Variants in PRMT9 observed in about 807,000 individuals in gnomAD.
The protein encoded by PRMT9 is protein arginine methyltransferase 9, also known as protein arginine N-methyltransferase 9.
Under a neutral mutation model 83.2 loss-of-function variants are expected in PRMT9, and 59 were observed. That is an observed-to-expected ratio of 0.71 (90% CI 0.57 to 0.88). PRMT9 has a LOEUF of 0.88. PRMT9 is among the 40% of genes least tolerant of loss of function. The pLI is 0.00. For missense variants in PRMT9, 947 were observed against 1,021.9 expected (o/e 0.93, Z 1.00); for synonymous variants, 333 against 353.2 (o/e 0.94, Z 0.64).
chr4:147,643,988 C>T (rs1268500626), intron 9 of PRMT9, among the ~76,000 whole-genome samples: 1 of 152,152 alleles, frequency 6.6e-6, no homozygotes, highest in Non-Finnish European at 1.5e-5. Flanking sequence ...ATATATGATC[C>T]TGGATTGGAT....
chr4:147,665,419 G>A (rs879849785), intron 6 of PRMT9, among the ~76,000 whole-genome samples: 2 of 152,124 alleles, frequency 1.3e-5, no homozygotes, highest in African/African-American at 2.4e-5. Flanking sequence ...TTCTTATTCA[G>A]TGGGTTTCAA....
intron 9 of PRMT9, among the ~76,000 whole-genome samples, chr4:147,647,862 C>CT: frequency 6.6e-6 from 1 of 152,252 alleles, no homozygotes; most frequent in Middle Eastern, 3.4e-3. Flanking sequence ...ATTGGCTTTT[C>CT]TGGGCAGTGG....
chr4:147,672,968 A>G lies in PRMT9; in HGVS notation c.734T>C (p.Ile245Thr). 1 of 1,613,246 alleles carries G rather than the reference A, an allele frequency of 6.2e-7. No homozygotes were observed. The highest frequency in any genetic ancestry group is 8.5e-7 in the Non-Finnish European group (1 of 1,179,260). ...GTTTACATGATAATACCTTTCGGGA[A>G]TATGTTTTGGAATCTCTATGTCAAG... ...KSLDIEIPKHIPERVSLVVTE... is the reference protein window; with the variant it reads ...KSLDIEIPKHTPERVSLVVTE... Residue 245 changes from isoleucine to threonine, a missense_variant, in exon 4 of 12, where the codon ATT (isoleucine) becomes ACT (threonine). Physicochemically the swap from Ile to Thr is moderately conservative, Grantham distance 89. Transcript: ENST00000322396.
intron 8 of PRMT9, among the ~76,000 whole-genome samples, chr4:147,655,267 A>G (rs1315516116): frequency 6.6e-6 from 1 of 151,344 alleles, no homozygotes; most frequent in Non-Finnish European, 1.5e-5. Context: ...GGCTCAAGTG[A>G]TCCTCCTGCC....
intron 1 of PRMT9, among the ~76,000 whole-genome samples, chr4:147,682,179 A>G (rs1274779303): frequency 3.3e-5 from 5 of 150,644 alleles, no homozygotes; most frequent in Non-Finnish European, 7.4e-5. Context: ...CTAATTTTTT[A>G]TTTTTATTTT....
chr4:147,653,854 G>A lies in PRMT9; in HGVS notation c.2043C>T (p.Ser681=). The change falls in exon 9 of 12, where the codon TCC becomes TCT. Residue 681 remains serine (S), a splice_region_variant and synonymous_variant. Coordinates refer to ENST00000322396, the MANE Select transcript of PRMT9 (RefSeq NM_138364.4). ...QQEIMEKAAI[S]RCLLQSGGKI... ...AAAGTTATTATTTTGTGTTTTACCT[G>A]GATATTGCAGCTTTTTCCATTATTT... is the stretch of plus-strand genomic sequence containing the variant. 6.2e-7 allele frequency: 1 copy of A among 1,607,556 alleles called. No individual in the cohort carries two copies. The highest frequency in any genetic ancestry group is 8.5e-7 in the Non-Finnish European group (1 of 1,174,816).
intron 1 of PRMT9, among the ~76,000 whole-genome samples, chr4:147,682,055 G>C (rs1461212425): frequency 1.3e-5 from 2 of 152,126 alleles, no homozygotes; most frequent in Admixed American, 6.5e-5. Flanking sequence ...GCCCAGGCTG[G>C]AGTGCAATGG....
chr4:147,683,733 CTGTTTTTTTTTTTTTTTTTA>C (rs1334758772), intron 1 of PRMT9, 46 bp downstream of exon 1: 4 of 489,446 alleles, frequency 8.2e-6, no homozygotes, highest in Non-Finnish European at 1.3e-5. Context: ...TTTTTTTTTT[CTGTTTTTTTTTTTTTTTTTA>C]CGAGGACGTT....
intron 2 of PRMT9, among the ~76,000 whole-genome samples, chr4:147,680,029 T>A (rs1171325346): frequency 2.0e-5 from 3 of 152,208 alleles, no homozygotes; most frequent in Non-Finnish European, 4.4e-5. Flanking sequence ...CTACAGTGAC[T>A]TTTCTGCCAT....
At chr4:147,658,179 A>T (rs1169281427) in intron 7 of PRMT9, among the ~76,000 whole-genome samples, 1 of 151,920 alleles carries the variant, frequency 6.6e-6, no homozygotes, top group Non-Finnish European at 1.5e-5. Context: ...AGCTATTATT[A>T]AAAAGAATGA....
intron 4 of PRMT9, chr4:147,672,073 C>A: frequency 2.9e-6 from 1 of 341,194 alleles, no homozygotes; most frequent in Non-Finnish European, 5.8e-6. Flanking sequence ...GTTATGGCAG[C>A]CCAAGTGGAA....
intron 2 of PRMT9, 126 bp from the exon 3 acceptor site, chr4:147,674,000 G>A (rs1735906993): frequency 1.3e-6 from 1 of 761,828 alleles, no homozygotes; most frequent in South Asian, 1.5e-5. Flanking sequence ...GCCAATCCAA[G>A]TGCTACCTCT....
chr4:147,640,441 T>C (rs971931922), intron 10 of PRMT9, among the ~76,000 whole-genome samples: 1 of 152,086 alleles, frequency 6.6e-6, no homozygotes, highest in Non-Finnish European at 1.5e-5. Context: ...ATGAGTTCTC[T>C]AGAGTTCAGT....
rs144238147 is a variant in PRMT9, at chr4:147,650,937, T to C, written c.2045+2915A>G. On this transcript the variant is annotated intron_variant, in intron 9 of 11. Coordinates refer to ENST00000322396, the MANE Select transcript of PRMT9 (RefSeq NM_138364.4). ...CTAACACGGTGAAACCCCGTCTCTA[T>C]TAAAAATACAAAAAATTAGCCAGCT... Among the ~76,000 whole-genome samples the C allele has an allele frequency of 3.3e-3, 495 of 152,050 alleles. 3 individuals are homozygous for C. Among genetic ancestry groups the C allele is most frequent in the Non-Finnish European group, 6.0e-3 (405 of 67,968 alleles).
chr4:147,638,639 G>A lies in PRMT9; in HGVS notation c.2431C>T (p.Gln811Ter). The A allele has an allele frequency of 2.5e-6, 4 of 1,613,732 alleles. No homozygotes were observed. The highest frequency in any genetic ancestry group is 3.4e-6 in the Non-Finnish European group (4 of 1,179,692). Residue 811 changes from glutamine to a stop codon, truncating the protein, a stop_gained, in exon 12 of 12, where the codon CAA becomes TAA. Coordinates refer to ENST00000322396, the MANE Select transcript of PRMT9 (RefSeq NM_138364.4). LOFTEE classifies it high-confidence loss of function. ...GGATTATCTAAAACAACTGCAGCTTGTTTCCAGTGGGAGGCTTCACTTGAA... is the reference window on the plus strand; with the variant it reads ...GGATTATCTAAAACAACTGCAGCTTATTTCCAGTGGGAGGCTTCACTTGAA... ...DTSSEASHWKQAAVVLDNPIQ... is the reference protein window; with the variant it reads ...DTSSEASHWK
chr4:147,676,576 T>C (rs1736088812), intron 2 of PRMT9, among the ~76,000 whole-genome samples: 1 of 152,236 alleles, frequency 6.6e-6, no homozygotes, highest in Non-Finnish European at 1.5e-5. Flanking sequence ...TTTCTAATTA[T>C]TAACATACTC....
chr4:147,665,751 ACTTC>A (rs1735284570), intron 6 of PRMT9, among the ~76,000 whole-genome samples: 3 of 152,100 alleles, frequency 2.0e-5, no homozygotes, highest in Non-Finnish European at 4.4e-5. Flanking sequence ...TATGCCATAA[ACTTC>A]CTTCCTTGTC....
At chr4:147,671,814 A>C (rs1735750630) in intron 4 of PRMT9, 1 of 454,824 alleles carries the variant, frequency 2.2e-6, no homozygotes. Context: ...AGATTAAATT[A>C]AGGTAACTTT....
At position 147,683,987 on chromosome 4, in the gene PRMT9, TGGCA is replaced by T; in HGVS notation, c.-4_-1del. On this transcript the variant is annotated 5_prime_UTR_variant, in exon 1 of 12. Coordinates refer to ENST00000322396, the MANE Select transcript of PRMT9 (RefSeq NM_138364.4). ...CGGGACCTGGGCCGCGAGTTCGACA[TGGCA>T]GTCACCACTTGTATGGCCAAAGGGA... 1 of 1,612,726 alleles carries T rather than the reference TGGCA, an allele frequency of 6.2e-7. No homozygotes were observed. The highest frequency in any genetic ancestry group is 8.5e-7 in the Non-Finnish European group (1 of 1,179,638).
Sources: allele counts gnomAD v4.1 joint callset (sites outside exome capture counted in the v4.1 genomes callset), GRCh38; gene constraint gnomAD v4.1.1; transcripts MANE v1.5; gene names NCBI Gene and HGNC (gene_info 2026-07-23, HGNC 2026-07-21).